Variants in ORC4 observed in about 807,000 individuals in gnomAD.
The protein encoded by ORC4 is origin recognition complex subunit 4.
Under a neutral mutation model 63.9 loss-of-function variants are expected in ORC4, and 55 were observed. That is an observed-to-expected ratio of 0.86 (90% CI 0.69 to 1.08). The LOEUF (loss-of-function observed/expected upper bound fraction) is 1.08. Ranked by LOEUF, ORC4 falls within the 50% of genes least tolerant of loss-of-function variation. The probability of loss-of-function intolerance (pLI) is 0.00; values close to 1 mark genes in which losing one functional copy is unlikely to be tolerated. For missense variants in ORC4, 511 were observed against 504.4 expected (o/e 1.01, Z -0.13); for synonymous variants, 150 against 168.5 (o/e 0.89, Z 0.85).
In ORC4 at chr2:147,963,465, A is replaced by G. The variant is rs142904521; in HGVS notation, c.226-4599T>C. ...TGAATAGCCTTGTGCCTGCATCCTA[A>G]ACCTGAGAAACAATCCTGTGGAACC... is the stretch of plus-strand genomic sequence containing the variant. On this transcript the variant is annotated intron_variant, in intron 4 of 13. Coordinates refer to ENST00000392857, the MANE Select transcript of ORC4 (RefSeq NM_181741.4). Among the ~76,000 whole-genome samples, 3 of 152,200 alleles carry G rather than the reference A, an allele frequency of 2.0e-5. No individual in the cohort carries two copies. The East Asian group carries it at 5.8e-4, about 29-fold the overall frequency.
chr2:147,930,836 T>C lies in ORC4; in HGVS notation c.*4674A>G, dbSNP rs929146514. On this transcript the variant is annotated 3_prime_UTR_variant, in exon 14 of 14. Coordinates refer to ENST00000392857, the MANE Select transcript of ORC4 (RefSeq NM_181741.4). ...AAATGAATACGGTATGATTTGCATATGCAGTTTTTCTTTAGCTATGTTTTT... is the reference window on the plus strand; with the variant it reads ...AAATGAATACGGTATGATTTGCATACGCAGTTTTTCTTTAGCTATGTTTTT... 46 of 150,862 alleles carry C rather than the reference T, an allele frequency of 3.0e-4. No individual in the cohort carries two copies. The highest frequency in any genetic ancestry group is 9.8e-4 in the African/African-American group (40 of 40,664). The allele number at this position is 150,862 out of a possible 1,614,324, so 9.3% of individuals were successfully genotyped here. A position where few individuals can be genotyped will look rare whatever the true frequency, so the allele number is the denominator to read the frequency against.
chr2:147,937,180 T>C (rs1165487411), intron 13 of ORC4, among the ~76,000 whole-genome samples: 1 of 152,150 alleles, frequency 6.6e-6, no homozygotes, highest in Admixed American at 6.6e-5. Context: ...TTTTTGTTGC[T>C]ACAAGAAATG....
intron 1 of ORC4, among the ~76,000 whole-genome samples, chr2:147,988,223 A>G (rs1691346991): frequency 6.6e-6 from 1 of 152,106 alleles, no homozygotes; most frequent in Admixed American, 6.6e-5. Flanking sequence ...CCCTAAGGAA[A>G]GGGAAGAGTT....
intron 1 of ORC4, among the ~76,000 whole-genome samples, chr2:147,987,992 G>C (rs531115381): frequency 7.7e-4 from 116 of 150,940 alleles, no homozygotes; most frequent in Non-Finnish European, 1.3e-3. Flanking sequence ...GGCGGAGCTT[G>C]CAGTGAGCCA....
At chr2:147,947,272 A>T (rs1034535381) in intron 9 of ORC4, among the ~76,000 whole-genome samples, 2 of 151,746 alleles carry the variant, frequency 1.3e-5, no homozygotes, top group African/African-American at 2.4e-5. Context: ...ATTATTTTCC[A>T]CTCTCACGAG....
At chr2:148,020,311 T>G (rs1172011472) in intron 1 of ORC4, among the ~76,000 whole-genome samples, 4 of 152,170 alleles carry the variant, frequency 2.6e-5, no homozygotes, top group African/African-American at 9.7e-5. Context: ...GAGGGTCAAT[T>G]GCTGAGGCTT....
chr2:148,008,817 C>T (rs1036117720), intron 1 of ORC4, among the ~76,000 whole-genome samples: 1 of 152,120 alleles, frequency 6.6e-6, no homozygotes, highest in Non-Finnish European at 1.5e-5. Flanking sequence ...AATGTGCGCT[C>T]ACCATTGTTC....
chr2:147,987,364 A>ATG (rs761445778), intron 1 of ORC4, among the ~76,000 whole-genome samples: 1,904 of 47,426 alleles, frequency 0.04, 31 homozygotes, highest in Non-Finnish European at 0.063. Context: ...ATAGATATAT[A>ATG]TATGTGTGTG....
intron 1 of ORC4, among the ~76,000 whole-genome samples, chr2:148,009,141 C>T (rs972451406): frequency 3.3e-5 from 5 of 151,382 alleles, no homozygotes; most frequent in Non-Finnish European, 4.4e-5. Context: ...TCATAGTAAC[C>T]ACAAAACAAA....
At chr2:147,964,276 G>A (rs1447557082) in intron 4 of ORC4, among the ~76,000 whole-genome samples, 2 of 151,916 alleles carry the variant, frequency 1.3e-5, no homozygotes, top group African/African-American at 2.4e-5. Flanking sequence ...AAAACAAACA[G>A]AAATCCTACA....
At chr2:147,967,247 A>G (rs548208552) in intron 4 of ORC4, among the ~76,000 whole-genome samples, 1 of 152,234 alleles carries the variant, frequency 6.6e-6, no homozygotes, top group East Asian at 1.9e-4. Flanking sequence ...GGGAAAAACT[A>G]AAAGTTTCTC....
intron 1 of ORC4, among the ~76,000 whole-genome samples, chr2:148,017,745 C>T (rs189624191): frequency 2.6e-5 from 4 of 152,074 alleles, no homozygotes; most frequent in East Asian, 1.9e-4. Context: ...TTTATGTATC[C>T]GAGTTGTTCC....
chr2:148,012,632 G>T (rs1353550556), intron 1 of ORC4, among the ~76,000 whole-genome samples: 1 of 151,954 alleles, frequency 6.6e-6, no homozygotes, highest in East Asian at 1.9e-4. Flanking sequence ...CTTCTGCACA[G>T]CAATGAAAAC....
At chr2:147,975,754 T>C in intron 2 of ORC4, 148 bp downstream of exon 2, 2 of 621,614 alleles carry the variant, frequency 3.2e-6, no homozygotes, top group Non-Finnish European at 5.8e-6. Flanking sequence ...TGGCATCTCG[T>C]TAAGGTCTCG....
intron 1 of ORC4, among the ~76,000 whole-genome samples, chr2:147,993,391 G>A (rs919138734): frequency 2.6e-5 from 4 of 152,080 alleles, no homozygotes; most frequent in Non-Finnish European, 5.9e-5. Context: ...TTGCTTTAGA[G>A]ATAAATTATT....
chr2:147,946,896 G>A (rs1688688298), intron 9 of ORC4, among the ~76,000 whole-genome samples: 2 of 151,932 alleles, frequency 1.3e-5, no homozygotes, highest in Non-Finnish European at 2.9e-5. Flanking sequence ...ATAGTCTTAA[G>A]GGAAACTTCC....
intron 1 of ORC4, among the ~76,000 whole-genome samples, chr2:147,984,147 T>C (rs1303162065): frequency 6.6e-6 from 1 of 152,112 alleles, no homozygotes; most frequent in Non-Finnish European, 1.5e-5. Context: ...AGACAGAAAT[T>C]ACCTGTTTAG....
At chr2:148,007,618 G>C (rs987435026) in intron 1 of ORC4, among the ~76,000 whole-genome samples, 6 of 152,182 alleles carry the variant, frequency 3.9e-5, no homozygotes, top group African/African-American at 1.4e-4. Flanking sequence ...TGGCCTTAAA[G>C]AGGGCTTACA....
rs191116859 is a variant in ORC4, at chr2:147,947,284, C to G, written c.762+767G>C. 5.0e-3 allele frequency among the ~76,000 whole-genome samples: 759 copies of G among 152,002 alleles called. 8 individuals are homozygous for G. The highest frequency in any genetic ancestry group is 0.018 in the African/African-American group (737 of 41,488). ...TATATTATTTTCCACTCTCACGAGG[C>G]CAATATTTTTTGAGATTCTAGCATA... is the stretch of plus-strand genomic sequence containing the variant. On this transcript the variant is annotated intron_variant, in intron 9 of 13. Coordinates refer to ENST00000392857, the MANE Select transcript of ORC4 (RefSeq NM_181741.4).
Sources: allele counts gnomAD v4.1 joint callset (sites outside exome capture counted in the v4.1 genomes callset), GRCh38; gene constraint gnomAD v4.1.1; transcripts MANE v1.5; gene names NCBI Gene and HGNC (gene_info 2026-07-23, HGNC 2026-07-21).